Variants in DIXDC1 observed in about 807,000 individuals in gnomAD.
DIXDC1 encodes dixin.
In DIXDC1, 64 loss-of-function variants were observed where a neutral mutation model predicts 103.1. That is an observed-to-expected ratio of 0.62 (90% confidence interval 0.51 to 0.76). DIXDC1 has a LOEUF of 0.76. Ranked by LOEUF, DIXDC1 falls within the 30% of genes least tolerant of loss-of-function variation. DIXDC1 has a pLI of 0.00. For missense variants in DIXDC1, 759 were observed against 834.2 expected (o/e 0.91, Z 1.11); for synonymous variants, 266 against 298.5 (o/e 0.89, Z 1.12).
intron 3 of DIXDC1, among the ~76,000 whole-genome samples, chr11:111,970,578 C>A (rs2137524955): frequency 6.6e-6 from 1 of 151,746 alleles, no homozygotes; most frequent in African/African-American, 2.4e-5. Flanking sequence ...AGGAGAATAG[C>A]TTGAAAGCAG....
At chr11:111,991,885 A>G (rs1860722341) in intron 10 of DIXDC1, among the ~76,000 whole-genome samples, 1 of 152,216 alleles carries the variant, frequency 6.6e-6, no homozygotes, top group East Asian at 1.9e-4. Flanking sequence ...CTTTAACAAC[A>G]GAGTGGCGGG....
chr11:111,954,907 T>C (rs1555170421), intron 1 of DIXDC1, among the ~76,000 whole-genome samples: 1 of 152,118 alleles, frequency 6.6e-6, no homozygotes, highest in African/African-American at 2.4e-5. Flanking sequence ...TAAATATATA[T>C]ATACACACAC....
At chr11:111,944,485 G>C (rs1966529359) in intron 1 of DIXDC1, among the ~76,000 whole-genome samples, 1 of 152,196 alleles carries the variant, frequency 6.6e-6, no homozygotes, top group African/African-American at 2.4e-5. Flanking sequence ...TTACAAACCT[G>C]TTTGGAAGGA....
chr11:111,941,602 G>A (rs1966417131), intron 1 of DIXDC1, among the ~76,000 whole-genome samples: 1 of 151,966 alleles, frequency 6.6e-6, no homozygotes, highest in Admixed American at 6.6e-5. Context: ...GATGGCTTGA[G>A]CCCGGGAGTT....
At chr11:111,935,475 T>G (rs1334498978), upstream of DIXDC1, among the ~76,000 whole-genome samples, 1 of 152,230 alleles carries the variant, frequency 6.6e-6, no homozygotes, top group Non-Finnish European at 1.5e-5. Context: ...CTCCCTCTGA[T>G]GTCTCAATAT....
At chr11:111,988,083 C>T (rs911081811) in intron 9 of DIXDC1, among the ~76,000 whole-genome samples, 32 of 152,048 alleles carry the variant, frequency 2.1e-4, no homozygotes, top group African/African-American at 5.6e-4. Context: ...ACTGCAGCTT[C>T]GACCCCCCAG....
At chr11:111,956,189 CAA>C (rs1859358456) in intron 1 of DIXDC1, among the ~76,000 whole-genome samples, 1 of 151,956 alleles carries the variant, frequency 6.6e-6, no homozygotes, top group Non-Finnish European at 1.5e-5. Context: ...TCATAAAGAC[CAA>C]AAGTAGAATG....
chr11:112,005,752 A>C (rs1396609198), intron 17 of DIXDC1, among the ~76,000 whole-genome samples: 3 of 152,226 alleles, frequency 2.0e-5, no homozygotes, highest in Non-Finnish European at 4.4e-5. Context: ...AAAAACTGAA[A>C]GGAGAAATAG....
rs117844095 is a variant in DIXDC1, at chr11:111,991,161, G to A, written c.1114-1254G>A. On this transcript the variant is annotated intron_variant, in intron 10 of 19. Transcript: ENST00000440460. ...AGCAACATTTTCCAAGGTATATTCC[G>A]TAGGCTTAGTACTTTTGAAACACTT... Among the ~76,000 whole-genome samples, 1,044 of 152,310 alleles carry A rather than the reference G, an allele frequency of 6.9e-3. 5 individuals are homozygous for A. Among genetic ancestry groups the A allele is most frequent in the Middle Eastern group, 0.051 (15 of 294 alleles).
At position 111,993,536 on chromosome 11, in the gene DIXDC1, A is replaced by G. The variant is rs1860776458; in HGVS notation, c.1313A>G (p.Gln438Arg). The G allele has an allele frequency of 6.2e-7, 1 of 1,613,942 alleles. No individual in the cohort carries two copies. The highest frequency in any genetic ancestry group is 1.7e-5 in the Admixed American group (1 of 60,006). The part of the protein sequence containing the change: ...GQKDRLLQQH[Q>R]AKLEEALRKL... ...AAGGATCGCCTTCTTCAGCAGCACC[A>G]GGCCAAGTTAGAAGAAGCACTCCGG... is the stretch of plus-strand genomic sequence containing the variant. Residue 438 changes from glutamine to arginine, a missense_variant, in exon 13 of 20, where the codon CAG becomes CGG. By Grantham distance (43) the Gln-to-Arg change is conservative. Around this residue, in one of 3 missense-constraint regions of DIXDC1, gnomAD observed 657 missense variants for 727.5 expected, o/e 0.90. Transcript: ENST00000440460.
intron 17 of DIXDC1, among the ~76,000 whole-genome samples, chr11:112,011,854 A>G (rs1163640849): frequency 1.3e-5 from 2 of 152,138 alleles, no homozygotes; most frequent in Non-Finnish European, 2.9e-5. Context: ...CCTAATGTAA[A>G]TGACAAGTTG....
intron 1 of DIXDC1, among the ~76,000 whole-genome samples, chr11:111,962,349 G>T (rs1377637276): frequency 6.6e-6 from 1 of 152,112 alleles, no homozygotes; most frequent in Non-Finnish European, 1.5e-5. Context: ...CGGCGTGGTG[G>T]CAGGCACCCG....
chr11:111,964,829 T>A (rs1044132788), intron 2 of DIXDC1, among the ~76,000 whole-genome samples, 151 bp downstream of exon 2: 2 of 152,234 alleles, frequency 1.3e-5, no homozygotes, highest in Non-Finnish European at 2.9e-5. Context: ...CAAGGTTAAT[T>A]CATTTATTTA....
chr11:112,012,625 T>G (rs1326131036), intron 17 of DIXDC1, among the ~76,000 whole-genome samples: 1 of 152,248 alleles, frequency 6.6e-6, no homozygotes, highest in South Asian at 2.1e-4. Context: ...TTCAAAATCA[T>G]GTATTAAATT....
chr11:111,993,886 G>T (rs777019590), intron 14 of DIXDC1, 146 bp downstream of exon 14: 19 of 908,488 alleles, frequency 2.1e-5, no homozygotes, highest in Non-Finnish European at 3.0e-5. Context: ...TCCAGAATAA[G>T]AAAATCTGGT....
At chr11:111,934,420 G>A (rs782370302), upstream of DIXDC1, among the ~76,000 whole-genome samples, 5 of 152,254 alleles carry the variant, frequency 3.3e-5, no homozygotes, top group Non-Finnish European at 7.3e-5. Flanking sequence ...TATGCAGAAA[G>A]CAGTTTGCTG....
chr11:111,984,224 G>T (rs1406972206), intron 7 of DIXDC1, among the ~76,000 whole-genome samples: 5 of 152,234 alleles, frequency 3.3e-5, no homozygotes, highest in African/African-American at 1.2e-4. Flanking sequence ...GCTTCTTAAA[G>T]AATAAGATTA....
intron 17 of DIXDC1, among the ~76,000 whole-genome samples, chr11:112,002,767 T>A (rs1242739737): frequency 6.6e-6 from 1 of 152,056 alleles, no homozygotes; most frequent in African/African-American, 2.4e-5. Flanking sequence ...CAGAGTGAGA[T>A]CCTGTCTCAA....
chr11:111,995,043 T>C lies in DIXDC1; in HGVS notation c.1462T>C (p.Ser488Pro). 8.1e-6 allele frequency: 13 copies of C among 1,613,778 alleles called. No homozygotes were observed. Among genetic ancestry groups the C allele is most frequent in the Non-Finnish European group, 9.3e-6 (11 of 1,179,890 alleles). Residue 488 changes from serine to proline, a missense_variant, in exon 15 of 20, where the codon TCT becomes CCT. By Grantham distance (74) the Ser-to-Pro change is moderately conservative. This residue lies in a region of DIXDC1 where 657 missense variants were observed against 727.5 expected (regional missense o/e 0.90). Transcript: ENST00000440460. ...DEATNYNSHN[S>P]QSNGFLLPTA... ...GGCGACCAACTACAACAGTCACAAC[T>C]CTCAAAGCAATGGTTTTCTCCTTCC...
Sources: allele counts gnomAD v4.1 joint callset (sites outside exome capture counted in the v4.1 genomes callset), GRCh38; gene constraint gnomAD v4.1.1; regional missense constraint gnomAD v4.1.1; transcripts MANE v1.5; gene names NCBI Gene and HGNC (gene_info 2026-07-23, HGNC 2026-07-21).